The following EHD3 variants were observed in gnomAD, a reference collection of about 807,000 sequenced individuals.
EHD3 encodes EH domain containing 3, also known as EH domain-containing protein 3.
In EHD3, 17 loss-of-function variants were observed where a neutral mutation model predicts 43.0. That is an observed-to-expected ratio of 0.40 (90% CI 0.27 to 0.59). The LOEUF (loss-of-function observed/expected upper bound fraction) is 0.59, where lower values mean the gene tolerates loss of function less well. Ranked by LOEUF, EHD3 falls within the 20% of genes least tolerant of loss-of-function variation. EHD3 has a pLI of 0.49. For synonymous variants in EHD3, 313 were observed against 289.5 expected (o/e 1.08, Z -0.82); for missense variants, 594 against 705.6 (o/e 0.84, Z 1.79).
rs558100192 is a variant in EHD3, at chr2:31,243,535, C to T, written c.228-739C>T. Among the ~76,000 whole-genome samples, 52 of 143,412 alleles carry T rather than the reference C, an allele frequency of 3.6e-4. 2 individuals are homozygous for T. Among genetic ancestry groups the T allele is most frequent in the Middle Eastern group, 7.8e-3 (2 of 256 alleles). 94.1% of individuals were successfully genotyped at this position (143,412 alleles called of 152,430 possible). A position where few individuals can be genotyped will look rare whatever the true frequency, so the allele number is the denominator to read the frequency against. On this transcript the variant is annotated intron_variant, in intron 1 of 5. Transcript: ENST00000322054. ...GCAATGGTGTGATCTTGGCTCACTG[C>T]GACCTCTGCCTCCCGGGTTCAAATG...
At chr2:31,252,584 C>T (rs530231418) in intron 3 of EHD3, among the ~76,000 whole-genome samples, 1 of 152,358 alleles carries the variant, frequency 6.6e-6, no homozygotes, top group African/African-American at 2.4e-5. Context: ...AAGCGATTCT[C>T]CTGCCTCAGC....
Position 31,260,505 on chromosome 2 carries a change from G to A in EHD3, c.503-5G>A, listed in dbSNP as rs200027155. ...CCCAGCCCCTGATTGTCCCTCTGCC[G>A]GCAGGGTATGACTTTGCAGCTGTCC... On this transcript the variant is annotated splice_region_variant and splice_polypyrimidine_tract_variant and intron_variant, in intron 3 of 5. Coordinates refer to ENST00000322054, the MANE Select transcript of EHD3 (RefSeq NM_014600.3). This position sits in a 1 kb window ranked among gnomAD's most constrained non-coding sequence, Gnocchi z 4.6. 4.5e-4 allele frequency: 707 copies of A among 1,586,598 alleles called. No individual in the cohort carries two copies. Among genetic ancestry groups the A allele is most frequent in the Non-Finnish European group, 5.6e-4 (650 of 1,162,436 alleles).
At chr2:31,263,473 C>T (rs765081244) in intron 5 of EHD3, among the ~76,000 whole-genome samples, 1 of 152,146 alleles carries the variant, frequency 6.6e-6, no homozygotes, top group Admixed American at 6.5e-5. Flanking sequence ...AATGGGAGCA[C>T]CCACCATGCC....
intron 3 of EHD3, among the ~76,000 whole-genome samples, chr2:31,251,143 G>A (rs1212529527): frequency 1.3e-5 from 2 of 152,236 alleles, no homozygotes; most frequent in African/African-American, 4.8e-5. Flanking sequence ...CCCAGGTGCA[G>A]GCCACTAGTG....
intron 2 of EHD3, among the ~76,000 whole-genome samples, chr2:31,245,528 A>AATATATATATAT (rs775189280): frequency 1.2e-3 from 87 of 75,016 alleles, no homozygotes; most frequent in African/African-American, 3.1e-3. Flanking sequence ...TCTTATCCCA[A>AATATATATATAT]ATATATATAT....
Position 31,260,648 on chromosome 2 carries a change from T to A in EHD3, c.641T>A (p.Met214Lys). ...IKALKNHEDK[M>K]RVVLNKADQI... Reference sequence around the variant, plus strand: ...GCCCTCAAGAACCACGAGGACAAGATGCGAGTGGTGCTGAACAAAGCTGAC... The same window carrying A: ...GCCCTCAAGAACCACGAGGACAAGAAGCGAGTGGTGCTGAACAAAGCTGAC... Residue 214 changes from methionine to lysine, a missense_variant, in exon 4 of 6, where the codon ATG (methionine) becomes AAG (lysine). This residue lies in a region of EHD3 where 243 missense variants were observed against 296.7 expected (regional missense o/e 0.82). Transcript: ENST00000322054. This position sits in a 1 kb window ranked among gnomAD's most constrained non-coding sequence, Gnocchi z 4.6. The A allele has an allele frequency of 6.2e-7, 1 of 1,614,194 alleles. No individual in the cohort carries two copies. Among genetic ancestry groups the A allele is most frequent in the African/African-American group, 1.3e-5 (1 of 75,050 alleles).
intron 2 of EHD3, among the ~76,000 whole-genome samples, chr2:31,248,333 C>T (rs570911558): frequency 3.9e-5 from 6 of 152,298 alleles, no homozygotes; most frequent in Admixed American, 1.3e-4. Context: ...AGTGCCTCCT[C>T]CTCCAGGAAG....
rs1371490263 is a variant in EHD3 at position 31,268,763 on chromosome 2, ACT to A, written c.*2061_*2062del. 43 of 152,274 alleles carry A rather than the reference ACT, an allele frequency of 2.8e-4. 1 individual carries two copies. Among genetic ancestry groups the A allele is most frequent in the African/African-American group, 8.7e-4 (36 of 41,540 alleles). 9.4% of individuals were successfully genotyped at this position (152,274 alleles called of 1,614,324 possible). On this transcript the variant is annotated 3_prime_UTR_variant, in exon 6 of 6. Transcript: ENST00000322054. The stretch of plus-strand genomic sequence containing the variant: ...AGTGCAGGTTAGGGACCATTTCTCA[ACT>A]CCACACCTTTCTTCAAGCTGAAGGA...
chr2:31,250,248 A>T (rs1179980308), intron 3 of EHD3, among the ~76,000 whole-genome samples: 1 of 150,024 alleles, frequency 6.7e-6, no homozygotes, highest in Non-Finnish European at 1.5e-5. Flanking sequence ...ATAGATGATC[A>T]TCATCATCAT....
At chr2:31,249,858 A>G (rs2148719149) in intron 3 of EHD3, among the ~76,000 whole-genome samples, 1 of 152,330 alleles carries the variant, frequency 6.6e-6, no homozygotes, top group African/African-American at 2.4e-5. Flanking sequence ...AGAGAAATTC[A>G]GCTCAATGGT....
At position 31,267,880 on chromosome 2, in the gene EHD3, G is replaced by A. The variant is rs1683986413; in HGVS notation, c.*1176G>A. ...CAGTCTGGCCATCTGTCACGTCACA[G>A]AAGCAAACCGTGCCTTCTGGCTCTG... is the stretch of plus-strand genomic sequence containing the variant. On this transcript the variant is annotated 3_prime_UTR_variant, in exon 6 of 6. Transcript: ENST00000322054. 1 of 152,258 alleles carries A rather than the reference G, an allele frequency of 6.6e-6. No homozygotes were observed. Among genetic ancestry groups the A allele is most frequent in the South Asian group, 2.1e-4 (1 of 4,836 alleles). 9.4% of individuals were successfully genotyped at this position (152,258 alleles called of 1,614,324 possible).
Position 31,234,413 on chromosome 2 carries a change from T to TGCAGCAGCGGCTGGGACCAA in EHD3, c.-194_-193insACCAAGCAGCAGCGGCTGGG, listed in dbSNP as rs1451037161. On this transcript the variant is annotated 5_prime_UTR_variant, in exon 1 of 6. An upstream open reading frame in the 5' UTR loses its in-frame stop. Coordinates refer to ENST00000322054, the MANE Select transcript of EHD3 (RefSeq NM_014600.3). Reference sequence around the variant, plus strand: ...CCTCCCTCCGGCCTGGGCTGCTGGATGCAGCAGCGGCTGGGCTTGGTCCCA... The same window carrying TGCAGCAGCGGCTGGGACCAA: ...CCTCCCTCCGGCCTGGGCTGCTGGATGCAGCAGCGGCTGGGACCAAGCAGCAGCGGCTGGGCTTGGTCCCA... 4 of 588,586 alleles carry TGCAGCAGCGGCTGGGACCAA rather than the reference T, an allele frequency of 6.8e-6. No individual in the cohort carries two copies. Among genetic ancestry groups the TGCAGCAGCGGCTGGGACCAA allele is most frequent in the African/African-American group, 1.9e-5 (1 of 52,638 alleles). 36.5% of individuals were successfully genotyped at this position (588,586 alleles called of 1,614,324 possible). A position where few individuals can be genotyped will look rare whatever the true frequency, so the allele number is the denominator to read the frequency against.
intron 3 of EHD3, among the ~76,000 whole-genome samples, chr2:31,257,619 G>C (rs530340863): frequency 6.6e-6 from 1 of 152,172 alleles, no homozygotes. Context: ...AGAGCGTGTC[G>C]TGAGGGTGAC....
rs1572463679 is a variant in EHD3, at chr2:31,244,124, T to A, written c.228-150T>A. ...TCCTCTACAAAGTTCTTTGGACTTGTTATCCAGCAGGCATTTCTCCCGGCC... is the reference window on the plus strand; with the variant it reads ...TCCTCTACAAAGTTCTTTGGACTTGATATCCAGCAGGCATTTCTCCCGGCC... On this transcript the variant is annotated intron_variant, in intron 1 of 5. Transcript: ENST00000322054. 4.9e-6 allele frequency: 3 copies of A among 617,374 alleles called. No individual in the cohort carries two copies. The East Asian group carries it at 8.5e-5, about 18-fold the overall frequency. 38.2% of individuals were successfully genotyped at this position (617,374 alleles called of 1,614,324 possible).
At position 31,234,181 on chromosome 2, in the gene EHD3, C is replaced by G. The variant is rs1193234325; in HGVS notation, c.-441C>G. Among the ~76,000 whole-genome samples, 1 of 152,330 alleles carries G rather than the reference C, an allele frequency of 6.6e-6. No homozygotes were observed. Among genetic ancestry groups the G allele is most frequent in the East Asian group, 1.9e-4 (1 of 5,176 alleles). ...CTGCGGATGCAGAGCTGTCCGCGGG[C>G]TGGGCAGCGTCGCCGTCTCCCCTGA... On this transcript the variant is annotated 5_prime_UTR_variant, in exon 1 of 6. Transcript: ENST00000322054.
chr2:31,251,341 C>A (rs1167858071), intron 3 of EHD3, among the ~76,000 whole-genome samples: 3 of 152,350 alleles, frequency 2.0e-5, no homozygotes, highest in African/African-American at 7.2e-5. Context: ...AGAGGCCCTC[C>A]AGGTCAGCAG....
chr2:31,257,172 G>A (rs929314607), intron 3 of EHD3, among the ~76,000 whole-genome samples: 15 of 152,206 alleles, frequency 9.9e-5, no homozygotes, highest in African/African-American at 3.6e-4. Context: ...CCTGCTGTGA[G>A]CTGTTTGCAG....
chr2:31,236,158 T>C (rs1233147044), intron 1 of EHD3, among the ~76,000 whole-genome samples: 1 of 152,208 alleles, frequency 6.6e-6, no homozygotes, highest in Admixed American at 6.5e-5. Context: ...ACGCCAGCCT[T>C]CTGGAAGTAG....
At position 31,249,365 on chromosome 2, in the gene EHD3, A is replaced by G. The variant is rs748592296; in HGVS notation, c.405-6A>G. 7 of 1,613,896 alleles carry G rather than the reference A, an allele frequency of 4.3e-6. No individual in the cohort carries two copies. In the African/African-American group the frequency reaches 5.3e-5, roughly 12 times the overall value. ...GTACTCACCCAGGTTACCTCTGCCC[A>G]TGCAGGTTCGTGTGTGCCCAGCTAC... On this transcript the variant is annotated splice_region_variant and splice_polypyrimidine_tract_variant and intron_variant, in intron 2 of 5. Coordinates refer to ENST00000322054, the MANE Select transcript of EHD3 (RefSeq NM_014600.3).
Sources: allele counts gnomAD v4.1 joint callset (sites outside exome capture counted in the v4.1 genomes callset), GRCh38; gene constraint gnomAD v4.1.1; regional missense constraint gnomAD v4.1.1; non-coding constraint Gnocchi (gnomAD v3.1); transcripts MANE v1.5; gene names NCBI Gene and HGNC (gene_info 2026-07-23, HGNC 2026-07-21).